AP3B1: variants seen among roughly 807,000 people sequenced by gnomAD.
The protein encoded by AP3B1 is AP-3 complex subunit beta-1.
In AP3B1, 61 loss-of-function variants were observed where a neutral mutation model predicts 132.5. That is an observed-to-expected ratio of 0.46 (90% CI 0.37 to 0.57). The LOEUF (loss-of-function observed/expected upper bound fraction) is 0.57. Ranked by LOEUF, AP3B1 falls within the 20% of genes least tolerant of loss-of-function variation. The pLI is 0.00. For missense variants in AP3B1, 1,120 were observed against 1,289.4 expected, an observed-to-expected ratio of 0.87 and a Z score of 2.01; for synonymous variants, 388 against 438.3, an observed-to-expected ratio of 0.89 and a Z score of 1.43.
At position 78,190,399 on chromosome 5, in the gene AP3B1, C is replaced by T. The variant is rs114578416; in HGVS notation, c.787-8737G>A. Among the ~76,000 whole-genome samples the T allele has an allele frequency of 8.3e-3, 1,266 of 152,078 alleles. 10 individuals are homozygous for T. Among genetic ancestry groups the T allele is most frequent in the Middle Eastern group, 0.024 (7 of 294 alleles). On this transcript the variant is annotated intron_variant, in intron 7 of 26. Coordinates refer to ENST00000255194, the MANE Select transcript of AP3B1 (RefSeq NM_003664.5). The stretch of plus-strand genomic sequence containing the variant: ...AAAAAATTGACAAGTGAAGGGTGGA[C>T]GTTTTTATGAGGTTAATGAAATGAA...
At chr5:78,168,036 A>T (rs1315648238) in intron 11 of AP3B1, among the ~76,000 whole-genome samples, 1 of 151,668 alleles carries the variant, frequency 6.6e-6, no homozygotes, top group Non-Finnish European at 1.5e-5. Flanking sequence ...AAACAAAAAA[A>T]ATAAAACAGC....
intron 2 of AP3B1, among the ~76,000 whole-genome samples, chr5:78,265,523 A>T (rs553070966): frequency 2.6e-5 from 4 of 152,222 alleles, no homozygotes; most frequent in African/African-American, 9.6e-5. Context: ...TCAGTGTTTA[A>T]CTCATGATAC....
At chr5:78,147,285 A>G (rs982977544) in intron 14 of AP3B1, among the ~76,000 whole-genome samples, 1 of 152,056 alleles carries the variant, frequency 6.6e-6, no homozygotes, top group Non-Finnish European at 1.5e-5. Context: ...GCTTTTAATT[A>G]ACTGTAAATC....
rs145482156 is a variant in AP3B1 at position 78,235,499 on chromosome 5, T to C, written c.279+5363A>G. Among the ~76,000 whole-genome samples the C allele has an allele frequency of 3.3e-4, 50 of 152,340 alleles. 1 individual carries two copies. The highest frequency in any genetic ancestry group is 3.4e-3 in the Middle Eastern group (1 of 294). The stretch of plus-strand genomic sequence containing the variant: ...ATAACAATATTAAATCACAGAAGGT[T>C]GCGAAACACTAAATTTGTTCTACTT... On this transcript the variant is annotated intron_variant, in intron 3 of 26. Coordinates refer to ENST00000255194, the MANE Select transcript of AP3B1 (RefSeq NM_003664.5).
intron 21 of AP3B1, among the ~76,000 whole-genome samples, chr5:78,097,574 G>A (rs1251555228): frequency 6.7e-5 from 8 of 119,142 alleles, no homozygotes; most frequent in East Asian, 2.5e-4. Context: ...TCAGCCCCCC[G>A]CCCGGCCAGC....
chr5:78,032,533 C>T (rs926226978), intron 24 of AP3B1, among the ~76,000 whole-genome samples: 3 of 152,146 alleles, frequency 2.0e-5, no homozygotes, highest in South Asian at 2.1e-4. Flanking sequence ...CTCCCTACCC[C>T]CACAAGCATT....
chr5:78,129,398 G>A, intron 15 of AP3B1, 91 bp from the exon 16 acceptor site: 3 of 1,082,512 alleles, frequency 2.8e-6, no homozygotes, highest in Non-Finnish European at 4.2e-6. Flanking sequence ...TAATAAAAAT[G>A]AATGGTTATG....
rs773063998 is a variant in AP3B1, at chr5:78,053,284, CAA to C, written c.2578-14012_2578-14011del. On this transcript the variant is annotated intron_variant, in intron 22 of 26. Coordinates refer to ENST00000255194, the MANE Select transcript of AP3B1 (RefSeq NM_003664.5). The stretch of plus-strand genomic sequence containing the variant: ...CTGTCCCTCTACCACCAGCTTAATT[CAA>C]GTCTTCATTAACACTGAAAATACTT... Among the ~76,000 whole-genome samples, 174 of 152,310 alleles carry C rather than the reference CAA, an allele frequency of 1.1e-3. No individual in the cohort carries two copies. In the Middle Eastern group the frequency reaches 0.034, roughly 30 times the overall value.
chr5:78,158,685 G>A (rs927252023), intron 13 of AP3B1, among the ~76,000 whole-genome samples: 1 of 151,784 alleles, frequency 6.6e-6, no homozygotes, highest in East Asian at 1.9e-4. Context: ...TCTATGTTAC[G>A]ATAGGCAGGT....
intron 3 of AP3B1, among the ~76,000 whole-genome samples, chr5:78,235,894 C>T (rs1263602048): frequency 2.0e-5 from 3 of 152,148 alleles, no homozygotes; most frequent in Non-Finnish European, 2.9e-5. Flanking sequence ...TGGTAGATGA[C>T]GTACAGCTCA....
intron 22 of AP3B1, among the ~76,000 whole-genome samples, chr5:78,047,353 T>G (rs1159587916): frequency 6.6e-6 from 1 of 152,172 alleles, no homozygotes; most frequent in Non-Finnish European, 1.5e-5. Flanking sequence ...CCACATCCTC[T>G]CCAGCATCTG....
chr5:78,195,089 T>C (rs1057400342), intron 7 of AP3B1, among the ~76,000 whole-genome samples: 3 of 150,696 alleles, frequency 2.0e-5, no homozygotes, highest in Non-Finnish European at 4.4e-5. Flanking sequence ...TTTAAAAAAA[T>C]GGGGACCAAT....
At position 78,175,696 on chromosome 5, in the gene AP3B1, C is replaced by T. The variant is rs770300467; in HGVS notation, c.1097G>A (p.Gly366Glu). Residue 366 changes from glycine to glutamate, a missense_variant and splice_region_variant, in exon 11 of 27, where the codon GGG becomes GAG. By Grantham distance (98) the Gly-to-Glu change is moderately conservative (BLOSUM62 -2). Around this residue, in one of 3 missense-constraint regions of AP3B1, gnomAD observed 906 missense variants for 997.1 expected, o/e 0.91. Coordinates refer to ENST00000255194, the MANE Select transcript of AP3B1 (RefSeq NM_003664.5). ...ACTCTTCAGATAAGGTTCAAACATC[C>T]CCTGGATTACAAAAATAAATACAAA... is the stretch of plus-strand genomic sequence containing the variant. ...NIATMSIQRK[G>E]MFEPYLKSFY... 2 of 1,612,926 alleles carry T rather than the reference C, an allele frequency of 1.2e-6. No homozygotes were observed. The highest frequency in any genetic ancestry group is 2.2e-5 in the East Asian group (1 of 44,732).
chr5:78,037,174 G>T (rs1371755980), intron 23 of AP3B1, among the ~76,000 whole-genome samples: 2 of 152,004 alleles, frequency 1.3e-5, no homozygotes, highest in Non-Finnish European at 1.5e-5. Context: ...CCAACTAAAG[G>T]TCAACTCATC....
intron 5 of AP3B1, among the ~76,000 whole-genome samples, chr5:78,226,226 G>A (rs1366336353): frequency 6.6e-6 from 1 of 152,090 alleles, no homozygotes; most frequent in Admixed American, 6.5e-5. Flanking sequence ...GTTAGAGTGA[G>A]CATGGATCTT....
chr5:78,070,402 A>C (rs528211728), intron 22 of AP3B1, among the ~76,000 whole-genome samples: 1 of 98,514 alleles, frequency 1.0e-5, no homozygotes, highest in South Asian at 3.2e-4. Flanking sequence ...GTAAGACTCC[A>C]TCTCAAGAAA....
At chr5:78,257,811 A>G (rs1747911860) in intron 2 of AP3B1, among the ~76,000 whole-genome samples, 1 of 152,254 alleles carries the variant, frequency 6.6e-6, no homozygotes, top group African/African-American at 2.4e-5. Context: ...GTACTGGCAT[A>G]AAAACAGACA....
At chr5:78,284,390 G>A (rs548427348) in intron 1 of AP3B1, among the ~76,000 whole-genome samples, 5 of 152,170 alleles carry the variant, frequency 3.3e-5, no homozygotes, top group African/African-American at 1.2e-4. Flanking sequence ...AATTAATAAG[G>A]TCCATTCTAC....
intron 13 of AP3B1, 136 bp from the exon 14 acceptor site, chr5:78,156,503 C>G: frequency 1.5e-6 from 1 of 682,732 alleles, no homozygotes; most frequent in Non-Finnish European, 2.5e-6. Context: ...AAAGCATAAC[C>G]ATGAGTGCGC....
Sources: gnomAD v4.1 joint callset for allele counts (sites outside exome capture counted in the v4.1 genomes callset) on GRCh38, gnomAD v4.1.1 for gene constraint, gnomAD v4.1.1 regional missense constraint, MANE v1.5 for transcripts, NCBI Gene and HGNC (gene_info 2026-07-23, HGNC 2026-07-21) for gene names.